Variants in RPS4X observed in about 807,000 individuals in gnomAD.
RPS4X encodes the protein small ribosomal subunit protein eS4, X isoform.
For missense variants in RPS4X, 90 were observed against 219.1 expected (o/e 0.41, Z 3.72); for synonymous variants, 76 against 76.8 (o/e 0.99, Z 0.06).
intron 6 of RPS4X, 37 bp from the exon 7 acceptor site, chrX:72,272,809 A>G: frequency 2.1e-6 from 2 of 974,237 alleles, no homozygotes; most frequent in Non-Finnish European, 2.9e-6. Context: ...AACCCACCAC[A>G]CACCAACTCA....
chrX:72,275,775 A>T (rs1177104825), intron 2 of RPS4X, 51 bp from the exon 3 acceptor site: 2 of 1,019,067 alleles, frequency 2.0e-6, no homozygotes. Flanking sequence ...AAGCACTCAA[A>T]CCTACCTCCT....
rs2030432331 is a variant in RPS4X at position 72,272,112 on chromosome X, G to A, written c.*559C>T. 8.9e-6 allele frequency: 1 copy of A among 112,382 alleles called. No homozygotes were observed. The highest frequency in any genetic ancestry group is 1.9e-5 in the Non-Finnish European group (1 of 53,368). The allele number at this position is 112,382 out of a possible 1,213,427, so 9.3% of individuals were successfully genotyped here. ...GAAAAACAGAGTTGAGGACTGCAGC[G>A]GCAGCTGGAGAATAAGGGCACTAAG... On this transcript the variant is annotated 3_prime_UTR_variant, in exon 7 of 7. Coordinates refer to ENST00000316084, the MANE Select transcript of RPS4X (RefSeq NM_001007.5).
At position 72,273,843 on chromosome X, in the gene RPS4X, A is replaced by C; in HGVS notation, c.490T>G (p.Leu164Val). ...IKVNDTIQID[L>V]ETGKITDFIK... is the part of the protein sequence containing the mutation. ...AAATCAGTAATCTTGCCAGTCTCCA[A>C]ATCAATCTGAATGGTATCATTCACC... is the stretch of plus-strand genomic sequence containing the variant. Residue 164 changes from leucine to valine, a missense_variant, in exon 5 of 7, where the codon TTG (leucine) becomes GTG (valine). Physicochemically the swap from Leu to Val is conservative, Grantham distance 32. Transcript: ENST00000316084. 2.5e-6 allele frequency: 3 copies of C among 1,207,670 alleles called. No homozygotes were observed. Among genetic ancestry groups the C allele is most frequent in the Non-Finnish European group, 3.4e-6 (3 of 892,263 alleles).
intron 5 of RPS4X, 123 bp from the exon 6 acceptor site, chrX:72,273,512 G>A: frequency 1.3e-6 from 1 of 740,778 alleles, no homozygotes; most frequent in Middle Eastern, 3.1e-4. Flanking sequence ...TGGAACTGCT[G>A]CCTATGCTAG....
chrX:72,274,881 A>G (rs769764406), intron 4 of RPS4X, 172 bp downstream of exon 4: 10 of 408,904 alleles, frequency 2.4e-5, no homozygotes, highest in Non-Finnish European at 4.4e-5. Context: ...ATAACATGAC[A>G]AAAAGTTACA....
intron 1 of RPS4X, 58 bp downstream of exon 1, chrX:72,277,135 C>G: frequency 8.3e-7 from 1 of 1,198,297 alleles, no homozygotes; most frequent in Non-Finnish European, 1.1e-6. Context: ...CGGGCAGCCC[C>G]GGCCGGGGGA....
rs766633436 is a variant in RPS4X at position 72,274,194 on chromosome X, G to A, written c.361-222C>T. The A allele has an allele frequency of 7.5e-5, 31 of 413,080 alleles. No homozygotes were observed. In the South Asian group the frequency reaches 1.1e-3, roughly 15 times the overall value. The allele number at this position is 413,080 out of a possible 1,213,427, so 34.0% of individuals were successfully genotyped here. A position where few individuals can be genotyped will look rare whatever the true frequency, so the allele number is the denominator to read the frequency against. ...ATGTAAATGCCACTCCAGTTTCCCA[G>A]GCTCTTTAAGCCTTATGGGGCCCTG... On this transcript the variant is annotated intron_variant, in intron 4 of 6. Coordinates refer to ENST00000316084, the MANE Select transcript of RPS4X (RefSeq NM_001007.5).
rs770053684 is a variant in RPS4X at position 72,276,250 on chromosome X, T to C, written c.4-16A>G. ...GACCACGAGCCTGAAAGTTTTAGAT[T>C]GCAATGCTGTTAATCAGGTTTCAGA... On this transcript the variant is annotated splice_polypyrimidine_tract_variant and intron_variant, in intron 1 of 6. Transcript: ENST00000316084. 1 of 1,177,487 alleles carries C rather than the reference T, an allele frequency of 8.5e-7. No homozygotes were observed. Among genetic ancestry groups the C allele is most frequent in the Non-Finnish European group, 1.2e-6 (1 of 865,994 alleles).
intron 1 of RPS4X, 138 bp from the exon 2 acceptor site, chrX:72,276,372 GAAAC>G (rs2043203837): frequency 2.2e-6 from 1 of 461,424 alleles, no homozygotes; most frequent in Non-Finnish European, 3.8e-6. Flanking sequence ...CGATAAAACA[GAAAC>G]AAACACAGTT....
rs1386752711 is a variant in RPS4X at position 72,275,696 on chromosome X, T to C, written c.110A>G (p.Lys37Arg). Reference protein sequence around the residue: ...FAPRPSTGPHKLRECLPLIIF... With the variant: ...FAPRPSTGPHRLRECLPLIIF... ...GATGAGGGGGAGACACTCTCTCAACTTGTGGGGACCGGTGGATGGACGAGG... is the reference window on the plus strand; with the variant it reads ...GATGAGGGGGAGACACTCTCTCAACCTGTGGGGACCGGTGGATGGACGAGG... Residue 37 changes from lysine (K) to arginine (R), a missense_variant, in exon 3 of 7, where the codon AAG becomes AGG. Coordinates refer to ENST00000316084, the MANE Select transcript of RPS4X (RefSeq NM_001007.5). 2 of 1,207,115 alleles carry C rather than the reference T, an allele frequency of 1.7e-6. No individual in the cohort carries two copies. The highest frequency in any genetic ancestry group is 1.8e-5 in the South Asian group (1 of 56,428).
At chrX:72,276,538 T>C (rs900414032) in intron 1 of RPS4X, among the ~76,000 whole-genome samples, 4 of 112,066 alleles carry the variant, frequency 3.6e-5, no homozygotes, top group Admixed American at 1.9e-4. Flanking sequence ...AAACTGTATC[T>C]GCTTAGAGGT....
Position 72,273,184 on chromosome X carries a change from G to A in RPS4X, c.690+48C>T, listed in dbSNP as rs766310066. ...GATGCTACAATCCCAGCAGCCACCT[G>A]CATTTACATATTTCCTCAGACTAGA... On this transcript the variant is annotated intron_variant, in intron 6 of 6. Transcript: ENST00000316084. The A allele has an allele frequency of 1.0e-4, 113 of 1,130,096 alleles. No homozygotes were observed. The Admixed American group carries it at 1.0e-3, about 10-fold the overall frequency. The allele number at this position is 1,130,096 out of a possible 1,213,427, so 93.1% of individuals were successfully genotyped here.
Position 72,277,202 on chromosome X carries a change from G to A in RPS4X, c.-7C>T. 8.3e-7 allele frequency: 1 copy of A among 1,210,541 alleles called. No individual in the cohort carries two copies. The highest frequency in any genetic ancestry group is 1.1e-6 in the Non-Finnish European group (1 of 894,672). ...TAACTAAACGGCTTACCATGGCTGC[G>A]TTAGGCAAGGAAAGAGGACCTCCGT... On this transcript the variant is annotated 5_prime_UTR_variant, in exon 1 of 7. It adds an upstream start codon to the 5' untranslated region. Transcript: ENST00000316084.
rs2043184490 is a variant in RPS4X at position 72,272,391 on chromosome X, G to A, written c.*280C>T. 7.1e-6 allele frequency: 2 copies of A among 283,332 alleles called. No individual in the cohort carries two copies. The highest frequency in any genetic ancestry group is 1.1e-4 in the Admixed American group (2 of 17,840). 23.3% of individuals were successfully genotyped at this position (283,332 alleles called of 1,213,427 possible). ...AGTTCTTGGCCAAGTCAAGGCGGGG[G>A]AGATAAATACTCCGGGATTTCTTGG... is the stretch of plus-strand genomic sequence containing the variant. On this transcript the variant is annotated 3_prime_UTR_variant, in exon 7 of 7. Coordinates refer to ENST00000316084, the MANE Select transcript of RPS4X (RefSeq NM_001007.5).
At chrX:72,277,172 C>G in intron 1 of RPS4X, 21 bp downstream of exon 1, 1 of 1,210,713 alleles carries the variant, frequency 8.3e-7, no homozygotes, top group Non-Finnish European at 1.1e-6. Flanking sequence ...GTCCTAAGAG[C>G]TCGCTAACTA....
Position 72,273,259 on chromosome X carries a change from T to C in RPS4X, c.663A>G (p.Arg221=), listed in dbSNP as rs2043187835. 6.6e-6 allele frequency: 8 copies of C among 1,207,611 alleles called. No individual in the cohort carries two copies. In the South Asian group the frequency reaches 1.1e-4, roughly 16 times the overall value. ...TGCCAATAACAAAAATGTTGGAAAGTCGAGTGGCAAAGCTGTTGCCATTGG... is the reference window on the plus strand; with the variant it reads ...TGCCAATAACAAAAATGTTGGAAAGCCGAGTGGCAAAGCTGTTGCCATTGG... ...KDANGNSFAT[R]LSNIFVIGKG... is the part of the protein sequence containing the mutation. The change falls in exon 6 of 7, where the codon CGA becomes CGG. Residue 221 remains arginine, a synonymous_variant. Transcript: ENST00000316084.
intron 5 of RPS4X, 75 bp from the exon 6 acceptor site, chrX:72,273,464 T>C: frequency 1.1e-6 from 1 of 948,559 alleles, no homozygotes; most frequent in Non-Finnish European, 1.4e-6. Context: ...TCCAAACAAA[T>C]TTTATTCCTC....
In RPS4X at chrX:72,276,277, C is replaced by T. The variant is rs759170303; in HGVS notation, c.4-43G>A. 4 of 1,046,284 alleles carry T rather than the reference C, an allele frequency of 3.8e-6. No individual in the cohort carries two copies. In the Admixed American group the frequency reaches 9.4e-5, roughly 25 times the overall value. 86.2% of individuals were successfully genotyped at this position (1,046,284 alleles called of 1,213,427 possible). A position where few individuals can be genotyped will look rare whatever the true frequency, so the allele number is the denominator to read the frequency against. On this transcript the variant is annotated intron_variant, in intron 1 of 6. Coordinates refer to ENST00000316084, the MANE Select transcript of RPS4X (RefSeq NM_001007.5). ...CAATGCTGTTAATCAGGTTTCAGAA[C>T]AGCTTATAAAACCTAGTGTGAAACT...
In RPS4X at chrX:72,276,188, T is replaced by C. The variant is rs1257811928; in HGVS notation, c.50A>G (p.His17Arg). 4.1e-6 allele frequency: 5 copies of C among 1,210,571 alleles called. No individual in the cohort carries two copies. Among genetic ancestry groups the C allele is most frequent in the Middle Eastern group, 4.6e-4 (2 of 4,317 alleles). ...KHLKRVAAPK[H>R]WMLDKLTGVF... is the part of the protein sequence containing the mutation. ...ACCGGTCAATTTATCCAGCATCCAA[T>C]GCTTTGGAGCTGCCACCCGCTTCAG... The change falls in exon 2 of 7, where the codon CAT (histidine) becomes CGT (arginine). Residue 17 changes from histidine (H) to arginine (R), a missense_variant. By Grantham distance (29) the His-to-Arg change is conservative. Coordinates refer to ENST00000316084, the MANE Select transcript of RPS4X (RefSeq NM_001007.5).
Sources: gnomAD v4.1 joint callset for allele counts (sites outside exome capture counted in the v4.1 genomes callset) on GRCh38, gnomAD v4.1.1 for gene constraint, MANE v1.5 for transcripts, NCBI Gene and HGNC (gene_info 2026-07-23, HGNC 2026-07-21) for gene names.